CDK5RAP1: variants seen among roughly 807,000 people sequenced by gnomAD.
The protein encoded by CDK5RAP1 is mitochondrial tRNA methylthiotransferase CDK5RAP1.
CDK5RAP1 carries 62 observed loss-of-function variants against 64.5 expected under a neutral mutation model. That is an observed-to-expected ratio of 0.96 (90% confidence interval 0.78 to 1.19). The LOEUF (loss-of-function observed/expected upper bound fraction) is 1.19. CDK5RAP1 is among the 50% of genes most tolerant of loss of function. The pLI, the probability that CDK5RAP1 is intolerant of heterozygous loss-of-function variation, is 0.00. For synonymous variants in CDK5RAP1, 250 were observed against 261.9 expected (o/e 0.95, Z 0.44); for missense variants, 657 against 735.0 (o/e 0.89, Z 1.23).
rs1988765768 is a variant in CDK5RAP1 at position 33,395,019 on chromosome 20, G to A, written c.402C>T (p.Leu134=). 1 of 1,579,436 alleles carries A rather than the reference G, an allele frequency of 6.3e-7. No homozygotes were observed. Among genetic ancestry groups the A allele is most frequent in the Non-Finnish European group, 8.7e-7 (1 of 1,148,302 alleles). ...QKSGYLRTSN[L]QEADVILLVT... ...AAATAGGAAATGCATGTACCTCTTG[G>A]AGGTTACTGGTCCGCAGGTAGCCAC... The change falls in exon 3 of 14, where the codon CTC becomes CTT. Residue 134 remains leucine (L), a synonymous_variant. Transcript: ENST00000346416.
At chr20:33,383,601 C>T (rs6141394) in intron 7 of CDK5RAP1, 3,966 of 151,804 alleles carry the variant, frequency 0.026, 82 homozygotes, top group South Asian at 0.08. Context: ...ATTAGCCAGG[C>T]GTGGTGGCGC....
intron 8 of CDK5RAP1, 104 bp downstream of exon 8, chr20:33,379,357 T>A (rs747221826): frequency 5.9e-5 from 44 of 745,284 alleles, no homozygotes; most frequent in Non-Finnish European, 9.6e-5. Context: ...CCCCACAGGA[T>A]CCCTAAGCAG....
rs1330667964 is a variant in CDK5RAP1 at position 33,388,147 on chromosome 20, TTA to T, written c.545-616_545-615del. 4.6e-5 allele frequency among the ~76,000 whole-genome samples: 7 copies of T among 152,056 alleles called. No homozygotes were observed. In the South Asian group the frequency reaches 1.0e-3, roughly 23 times the overall value. On this transcript the variant is annotated intron_variant, in intron 5 of 13. Transcript: ENST00000346416. ...ATGTCTTCTTTCAACTGAAAATTAC[TTA>T]GTGCTGAAATAAAAAGTATTCTGTG...
chr20:33,363,608 G>A (rs970944700), intron 12 of CDK5RAP1, among the ~76,000 whole-genome samples: 1 of 151,974 alleles, frequency 6.6e-6, no homozygotes, highest in South Asian at 2.1e-4. Flanking sequence ...TTTAAAAAAA[G>A]AGAGTTCAGG....
chr20:33,365,868 C>T (rs1183750129), intron 12 of CDK5RAP1, among the ~76,000 whole-genome samples: 1 of 152,222 alleles, frequency 6.6e-6, no homozygotes, highest in Non-Finnish European at 1.5e-5. Context: ...ATCATCTTTT[C>T]TGCCACTCTG....
chr20:33,361,388 TGA>T (rs1390300353), intron 12 of CDK5RAP1, among the ~76,000 whole-genome samples: 1 of 152,206 alleles, frequency 6.6e-6, no homozygotes, highest in Non-Finnish European at 1.5e-5. Context: ...GGGGTCCTTA[TGA>T]GTCTTCACTG....
chr20:33,385,491 T>C, intron 7 of CDK5RAP1, 159 bp downstream of exon 7: 1 of 719,350 alleles, frequency 1.4e-6, no homozygotes, highest in Non-Finnish European at 2.3e-6. Flanking sequence ...CTGTAATTTG[T>C]GGGCAATAAA....
In CDK5RAP1 at chr20:33,374,231, T is replaced by G; in HGVS notation, c.1108-19A>C. On this transcript the variant is annotated intron_variant, in intron 8 of 13. Transcript: ENST00000346416. ...GCAGAACCTGATGAAACAGAACACA[T>G]TATAGGTAATCACAATCTCACCAAA... The G allele has an allele frequency of 6.7e-7, 1 of 1,495,910 alleles. No individual in the cohort carries two copies. The highest frequency in any genetic ancestry group is 1.7e-5 in the Admixed American group (1 of 59,772). 92.7% of individuals were successfully genotyped at this position (1,495,910 alleles called of 1,614,324 possible). A position where few individuals can be genotyped will look rare whatever the true frequency, so the allele number is the denominator to read the frequency against.
chr20:33,379,477 T>G lies in CDK5RAP1; in HGVS notation c.1091A>C (p.Lys364Thr). 1 of 1,612,304 alleles carries G rather than the reference T, an allele frequency of 6.2e-7. No individual in the cohort carries two copies. The highest frequency in any genetic ancestry group is 8.5e-7 in the Non-Finnish European group (1 of 1,178,412). Residue 364 changes from lysine to threonine, a missense_variant, in exon 8 of 14, where the codon AAG becomes ACG. Lys to Thr is a moderately conservative substitution (Grantham distance 78). Transcript: ENST00000346416. ...GACGCTCACCTCATCAGGAAAATCC[T>G]TGGGGTGGGGAGAGGTAAAACGGAT... ...MRIRFTSPHP[K>T]DFPDEVLQLI...
rs1175580444 is a variant in CDK5RAP1 at position 33,358,962 on chromosome 20, C to A, written c.*81G>T. On this transcript the variant is annotated 3_prime_UTR_variant, in exon 14 of 14. Transcript: ENST00000346416. ...TGCAGCTTATCTCCACCTTCATGAC[C>A]TGTTTCCTCAGTGGCAGGCAATGTC... 15 of 1,010,552 alleles carry A rather than the reference C, an allele frequency of 1.5e-5. No individual in the cohort carries two copies. Among genetic ancestry groups the A allele is most frequent in the Non-Finnish European group, 2.3e-5 (15 of 647,536 alleles). The allele number at this position is 1,010,552 out of a possible 1,614,324, so 62.6% of individuals were successfully genotyped here.
Position 33,395,078 on chromosome 20 carries a change from C to G in CDK5RAP1, c.343G>C (p.Asp115His), listed in dbSNP as rs930021903. 1 of 1,613,684 alleles carries G rather than the reference C, an allele frequency of 6.2e-7. No homozygotes were observed. Among genetic ancestry groups the G allele is most frequent in the Non-Finnish European group, 8.5e-7 (1 of 1,179,636 alleles). ...AAGATGGACCAGGCTATCTCTGTGT[C>G]ATTCACATTCATCTGGCAGCCATAG... ...ETYGCQMNVN[D>H]TEIAWSILQK... Residue 115 changes from aspartate to histidine, a missense_variant, in exon 3 of 14, where the codon GAC (aspartate) becomes CAC (histidine). Transcript: ENST00000346416.
chr20:33,394,959 A>G, intron 3 of CDK5RAP1, 54 bp downstream of exon 3: 1 of 1,104,512 alleles, frequency 9.1e-7, no homozygotes, highest in Non-Finnish European at 1.4e-6. Context: ...AACTGGCACA[A>G]ATGCAGAATC....
At chr20:33,393,696 A>G (rs2146716042) in intron 4 of CDK5RAP1, among the ~76,000 whole-genome samples, 1 of 152,302 alleles carries the variant, frequency 6.6e-6, no homozygotes, top group East Asian at 1.9e-4. Context: ...GCTATATTAT[A>G]AACATATGCC....
rs76378696 is a variant in CDK5RAP1, at chr20:33,367,832, G to T, written c.1393-824C>A. Among the ~76,000 whole-genome samples, 1,047 of 152,280 alleles carry T rather than the reference G, an allele frequency of 6.9e-3. 12 individuals carry two copies. The highest frequency in any genetic ancestry group is 0.024 in the African/African-American group (989 of 41,566). On this transcript the variant is annotated intron_variant, in intron 11 of 13. Transcript: ENST00000346416. ...CTCAGTACAGCTGGAGAACCACTGA[G>T]CTAGACAAAAATATGGAATAAAAGG... is the stretch of plus-strand genomic sequence containing the variant.
chr20:33,394,969 C>T (rs779768336), intron 3 of CDK5RAP1, 44 bp downstream of exon 3: 1 of 1,216,254 alleles, frequency 8.2e-7, no homozygotes, highest in Non-Finnish European at 1.2e-6. Flanking sequence ...AATGCAGAAT[C>T]TTGCCCAGGT....
At chr20:33,375,604 C>CA (rs1167819818) in intron 8 of CDK5RAP1, among the ~76,000 whole-genome samples, 1 of 151,870 alleles carries the variant, frequency 6.6e-6, no homozygotes, top group Non-Finnish European at 1.5e-5. Context: ...TTCACTGAAA[C>CA]AAAAAACCTC....
At chr20:33,391,248 T>TC (rs1988277962) in intron 5 of CDK5RAP1, among the ~76,000 whole-genome samples, 1 of 104,632 alleles carries the variant, frequency 9.6e-6, no homozygotes, top group Non-Finnish European at 2.1e-5. Context: ...GACTCTGTTT[T>TC]TAAAAAAAAA....
At chr20:33,361,069 A>C (rs1181868525) in intron 12 of CDK5RAP1, among the ~76,000 whole-genome samples, 3 of 152,224 alleles carry the variant, frequency 2.0e-5, no homozygotes, top group Admixed American at 6.5e-5. Flanking sequence ...ATAAATAATA[A>C]CCAGCAAATT....
intron 6 of CDK5RAP1, among the ~76,000 whole-genome samples, chr20:33,386,369 T>C (rs184037412): frequency 2.4e-4 from 37 of 152,220 alleles, no homozygotes; most frequent in Non-Finnish European, 4.4e-4. Flanking sequence ...GCCCCTCTAC[T>C]GTTTTTAAAT....
Sources: allele counts gnomAD v4.1 joint callset (sites outside exome capture counted in the v4.1 genomes callset), GRCh38; gene constraint gnomAD v4.1.1; transcripts MANE v1.5; gene names NCBI Gene and HGNC (gene_info 2026-07-23, HGNC 2026-07-21).